CSMD2: variants seen among roughly 807,000 people sequenced by gnomAD.
CSMD2 encodes the protein CUB and sushi domain-containing protein 2.
Under a neutral mutation model 398.5 loss-of-function variants are expected in CSMD2, and 130 were observed. The ratio of observed to expected loss-of-function variants is 0.33; its 90% CI spans 0.28 to 0.38. The LOEUF (loss-of-function observed/expected upper bound fraction) is 0.38. Among genes scored for constraint, CSMD2 ranks in the 10% least tolerant of loss-of-function variants. The pLI, the probability that CSMD2 is intolerant of heterozygous loss-of-function variation, is 1.00. For synonymous variants in CSMD2, 1,828 were observed against 1,908.5 expected, an observed-to-expected ratio of 0.96 and a Z score of 1.10; for missense variants, 3,829 against 4,764.9, an observed-to-expected ratio of 0.80 and a Z score of 5.78.
At position 33,569,394 on chromosome 1, in the gene CSMD2, C is replaced by T; in HGVS notation, c.8111G>A (p.Gly2704Asp). The T allele has an allele frequency of 1.2e-6, 2 of 1,613,898 alleles. No individual in the cohort carries two copies. Among genetic ancestry groups the T allele is most frequent in the Non-Finnish European group, 8.5e-7 (1 of 1,179,870 alleles). Residue 2704 changes from glycine to aspartate, a missense_variant, in exon 52 of 71, where the codon GGC becomes GAC. By Grantham distance (94) the Gly-to-Asp change is moderately conservative. Transcript: ENST00000373381. ...RECMANGLWS[G>D]SEVRCLATQT... ...CTTACCAAGGCAGCGGACTTCAGAG[C>T]CACTCCAGAGCCCATTGGCCATGCA...
intron 3 of CSMD2, among the ~76,000 whole-genome samples, chr1:33,970,182 T>C (rs937095846): frequency 2.0e-5 from 3 of 151,914 alleles, no homozygotes; most frequent in African/African-American, 7.3e-5. Flanking sequence ...CTGTGCTGGC[T>C]GGCTCCTTAG....
chr1:33,570,526 C>G (rs1210859167), intron 51 of CSMD2, among the ~76,000 whole-genome samples: 2 of 152,004 alleles, frequency 1.3e-5, no homozygotes, highest in East Asian at 3.9e-4. Flanking sequence ...TCTCACTGAC[C>G]ACTTCCTTCT....
chr1:33,595,950 G>T (rs1478605455), intron 44 of CSMD2, among the ~76,000 whole-genome samples: 1 of 152,126 alleles, frequency 6.6e-6, no homozygotes, highest in East Asian at 1.9e-4. Flanking sequence ...ACTCAAACAT[G>T]CCCCACTCAC....
At chr1:34,003,617 C>A (rs1646968590) in intron 3 of CSMD2, among the ~76,000 whole-genome samples, 1 of 152,188 alleles carries the variant, frequency 6.6e-6, no homozygotes, top group South Asian at 2.1e-4. Flanking sequence ...TCTTTGCTGG[C>A]ATGGATTAGG....
intron 2 of CSMD2, among the ~76,000 whole-genome samples, chr1:34,038,557 C>G (rs916918442): frequency 6.7e-6 from 1 of 150,258 alleles, no homozygotes; most frequent in African/African-American, 2.4e-5. Flanking sequence ...CCATATACTC[C>G]TCATTTCTCA....
chr1:34,033,997 G>A (rs1650790462), intron 2 of CSMD2, among the ~76,000 whole-genome samples: 2 of 151,918 alleles, frequency 1.3e-5, no homozygotes, highest in South Asian at 2.1e-4. Flanking sequence ...AAGTTTCAAG[G>A]GCATCTTCTC....
chr1:33,972,264 G>C (rs1295959689), intron 3 of CSMD2, among the ~76,000 whole-genome samples: 2 of 152,212 alleles, frequency 1.3e-5, no homozygotes, highest in Non-Finnish European at 2.9e-5. Context: ...TGACAGCACA[G>C]TGCTGCTTTG....
At chr1:33,556,403 T>C (rs567335389) in intron 55 of CSMD2, among the ~76,000 whole-genome samples, 2 of 152,316 alleles carry the variant, frequency 1.3e-5, no homozygotes, top group East Asian at 3.9e-4. Flanking sequence ...AAAAATGCAG[T>C]TGTCCAGACT....
chr1:33,714,355 A>G (rs1335778116), intron 21 of CSMD2, among the ~76,000 whole-genome samples: 2 of 152,224 alleles, frequency 1.3e-5, no homozygotes, highest in East Asian at 3.9e-4. Flanking sequence ...AGGTCACTGT[A>G]GTTTATACAG....
intron 3 of CSMD2, among the ~76,000 whole-genome samples, chr1:33,986,601 C>T (rs1646366827): frequency 6.6e-6 from 1 of 152,198 alleles, no homozygotes; most frequent in African/African-American, 2.4e-5. Context: ...AGACTGTTCC[C>T]TAATCCCAGT....
At chr1:33,689,889 C>T (rs1013191758) in intron 25 of CSMD2, among the ~76,000 whole-genome samples, 4 of 152,190 alleles carry the variant, frequency 2.6e-5, no homozygotes, top group South Asian at 4.2e-4. Flanking sequence ...TGGGTGTAGG[C>T]GGTAGGTACG....
At chr1:33,990,607 A>T (rs2147994256) in intron 3 of CSMD2, among the ~76,000 whole-genome samples, 1 of 152,314 alleles carries the variant, frequency 6.6e-6, no homozygotes, top group African/African-American at 2.4e-5. Context: ...GAGGAGAATC[A>T]GTCACCCCAA....
chr1:33,959,302 G>A (rs1645270509), intron 3 of CSMD2, among the ~76,000 whole-genome samples: 1 of 152,160 alleles, frequency 6.6e-6, no homozygotes, highest in Admixed American at 6.5e-5. Flanking sequence ...GCAAAGGCAG[G>A]GATCGTGTAT....
At chr1:33,532,743 G>C (rs1167491778) in intron 64 of CSMD2, among the ~76,000 whole-genome samples, 1 of 152,184 alleles carries the variant, frequency 6.6e-6, no homozygotes, top group Non-Finnish European at 1.5e-5. Context: ...TTTATCAAGG[G>C]TGCAATATGT....
chr1:34,145,793 C>T (rs1639715365), intron 1 of CSMD2, among the ~76,000 whole-genome samples: 1 of 152,108 alleles, frequency 6.6e-6, no homozygotes, highest in Admixed American at 6.5e-5. Flanking sequence ...TCTGCCCAGG[C>T]TAGGGAGGGC....
intron 26 of CSMD2, among the ~76,000 whole-genome samples, chr1:33,659,177 A>T (rs918368490): frequency 1.7e-4 from 26 of 152,260 alleles, no homozygotes; most frequent in Non-Finnish European, 2.9e-4. Context: ...CTAGTTTAAC[A>T]TAGAGCAGGT....
At chr1:33,575,344 G>A (rs756542445) in intron 49 of CSMD2, among the ~76,000 whole-genome samples, 2 of 152,196 alleles carry the variant, frequency 1.3e-5, no homozygotes, top group Non-Finnish European at 2.9e-5. Context: ...CCAGAATTCT[G>A]TGGGAAGTAG....
At chr1:33,817,156 G>C (rs3908391) in intron 9 of CSMD2, among the ~76,000 whole-genome samples, 105,445 of 152,032 alleles carry the variant, frequency 0.69, 38,050 homozygotes, top group African/African-American at 0.91. Flanking sequence ...ATAAAAAGAC[G>C]CTTTACTCTA....
At chr1:33,721,456 C>T (rs1382069541) in intron 19 of CSMD2, among the ~76,000 whole-genome samples, 3 of 152,216 alleles carry the variant, frequency 2.0e-5, no homozygotes, top group South Asian at 2.1e-4. Context: ...AAAACATACA[C>T]CTCCTGTAAT....
Sources: gnomAD v4.1 joint callset for allele counts (sites outside exome capture counted in the v4.1 genomes callset) on GRCh38, gnomAD v4.1.1 for gene constraint, MANE v1.5 for transcripts, NCBI Gene and HGNC (gene_info 2026-07-23, HGNC 2026-07-21) for gene names.